The following THSD4 variants were observed in gnomAD, a reference collection of about 807,000 sequenced individuals.
THSD4 encodes the protein thrombospondin type 1 domain containing 4, also known as thrombospondin type-1 domain-containing protein 4.
Under a neutral mutation model 119.0 loss-of-function variants are expected in THSD4, and 69 were observed. The observed-to-expected ratio is 0.58, with a 90% CI of 0.48 to 0.71. The LOEUF (loss-of-function observed/expected upper bound fraction) is 0.71. Among genes scored for constraint, THSD4 ranks in the 30% least tolerant of loss-of-function variants. THSD4 has a pLI of 0.00. For missense variants in THSD4, 1,393 were observed against 1,391.1 expected, an observed-to-expected ratio of 1.00 and a Z score of -0.02; for synonymous variants, 524 against 540.4, an observed-to-expected ratio of 0.97 and a Z score of 0.42.
At chr15:71,622,187 C>T (rs570082858) in intron 7 of THSD4, among the ~76,000 whole-genome samples, 1 of 152,074 alleles carries the variant, frequency 6.6e-6, no homozygotes, top group Non-Finnish European at 1.5e-5. Context: ...ATCACATGTG[C>T]CATGAATTTG....
intron 6 of THSD4, among the ~76,000 whole-genome samples, chr15:71,263,048 G>A (rs1196582356): frequency 1.3e-5 from 2 of 151,856 alleles, no homozygotes; most frequent in African/African-American, 4.8e-5. Flanking sequence ...TTGTTATACA[G>A]ATTATTTCAT....
At chr15:71,370,475 C>T (rs557700097) in intron 6 of THSD4, among the ~76,000 whole-genome samples, 18 of 151,984 alleles carry the variant, frequency 1.2e-4, no homozygotes, top group African/African-American at 2.7e-4. Flanking sequence ...GATTTTGGTA[C>T]GTTGTGTCTT....
chr15:71,329,916 A>C (rs1344310298), intron 6 of THSD4, among the ~76,000 whole-genome samples: 1 of 152,154 alleles, frequency 6.6e-6, no homozygotes, highest in East Asian at 1.9e-4. Flanking sequence ...CTTCATCTGT[A>C]CAAAAAATAA....
At chr15:71,695,331 GTGTA>G (rs2052140401) in intron 8 of THSD4, among the ~76,000 whole-genome samples, 2 of 152,166 alleles carry the variant, frequency 1.3e-5, no homozygotes, top group African/African-American at 2.4e-5. Flanking sequence ...TTTATTGTAT[GTGTA>G]TGTGTGTGTG....
chr15:71,254,789 T>C (rs2044295674), intron 5 of THSD4, among the ~76,000 whole-genome samples: 1 of 152,190 alleles, frequency 6.6e-6, no homozygotes, highest in Non-Finnish European at 1.5e-5. Context: ...GCAGGTTGGC[T>C]TCCAGAGCCC....
At chr15:71,144,647 A>G (rs1431036160) in intron 2 of THSD4, among the ~76,000 whole-genome samples, 1 of 152,222 alleles carries the variant, frequency 6.6e-6, no homozygotes, top group East Asian at 1.9e-4. Flanking sequence ...GCCAAGCCAC[A>G]GAGAAACAGA....
chr15:71,613,074 C>T (rs946113705), intron 7 of THSD4, among the ~76,000 whole-genome samples: 2 of 152,128 alleles, frequency 1.3e-5, no homozygotes, highest in African/African-American at 2.4e-5. Context: ...AAAGCAAATG[C>T]ATTTTCATTT....
chr15:71,547,756 G>A (rs1358312733), intron 7 of THSD4: 15 of 294,302 alleles, frequency 5.1e-5, no homozygotes, highest in Non-Finnish European at 5.0e-5. Flanking sequence ...CCTGTAGCAC[G>A]CACGCTTCTC....
intron 7 of THSD4, among the ~76,000 whole-genome samples, chr15:71,469,779 C>T (rs2047548101): frequency 6.6e-6 from 1 of 152,190 alleles, no homozygotes; most frequent in Non-Finnish European, 1.5e-5. Flanking sequence ...TTAGTGTCTC[C>T]TGTGGCACCT....
At chr15:71,377,914 A>ACCCACCT (rs57687864) in intron 6 of THSD4, among the ~76,000 whole-genome samples, 1 of 146,148 alleles carries the variant, frequency 6.8e-6, no homozygotes, top group South Asian at 2.3e-4. Flanking sequence ...ACACACACAC[A>ACCCACCT]ATTTCCTTCA....
Position 71,311,211 on chromosome 15 carries a change from A to G in THSD4, c.1015+54496A>G, listed in dbSNP as rs1028127917. 3.3e-5 allele frequency among the ~76,000 whole-genome samples: 5 copies of G among 152,312 alleles called. No individual in the cohort carries two copies. In the South Asian group the frequency reaches 8.3e-4, roughly 25 times the overall value. ...GGATAGAGAATAAAAAGGGAGGACA[A>G]TGAGCAAAGGACATAGACCTGCTGT... On this transcript the variant is annotated intron_variant, in intron 6 of 17. Transcript: ENST00000261862.
chr15:71,540,754 T>C, intron 7 of THSD4, among the ~76,000 whole-genome samples: 1 of 123,134 alleles, frequency 8.1e-6, no homozygotes, highest in Admixed American at 9.1e-5. Flanking sequence ...TTTAAACGAG[T>C]CTCTGTCACC....
chr15:71,706,111 GC>G (rs1428454498), intron 8 of THSD4, among the ~76,000 whole-genome samples: 1 of 152,174 alleles, frequency 6.6e-6, no homozygotes, highest in African/African-American at 2.4e-5. Flanking sequence ...TTGAAATGGA[GC>G]TTTTTTCTAT....
chr15:71,760,159 C>T (rs1459081591), intron 15 of THSD4, among the ~76,000 whole-genome samples: 2 of 152,062 alleles, frequency 1.3e-5, no homozygotes, highest in East Asian at 1.9e-4. Context: ...GTGATTAGTC[C>T]AGGAGTAGAC....
intron 7 of THSD4, among the ~76,000 whole-genome samples, chr15:71,427,690 A>C (rs2046891521): frequency 6.6e-6 from 1 of 150,608 alleles, no homozygotes; most frequent in Non-Finnish European, 1.5e-5. Context: ...AATCTGGTCT[A>C]CTTCTGGTGG....
rs1476778998 is a variant in THSD4 at position 71,745,147 on chromosome 15, C to T, written c.1948C>T (p.His650Tyr). Reference protein sequence around the residue: ...PIFRCVHRSTHEEAPESYCDS... With the variant: ...PIFRCVHRSTYEEAPESYCDS... ...TTTCCGCTGTGTGCACAGAAGCACT[C>T]ATGAAGAGGCTCCTGAGAGTTACTG... Residue 650 changes from histidine (H) to tyrosine (Y), a missense_variant, in exon 12 of 18, where the codon CAT becomes TAT. Transcript: ENST00000261862. 2 of 1,612,570 alleles carry T rather than the reference C, an allele frequency of 1.2e-6. No homozygotes were observed. The highest frequency in any genetic ancestry group is 1.7e-6 in the Non-Finnish European group (2 of 1,179,982).
At chr15:71,755,343 G>A (rs959217864) in intron 14 of THSD4, among the ~76,000 whole-genome samples, 1 of 152,196 alleles carries the variant, frequency 6.6e-6, no homozygotes, top group Admixed American at 6.5e-5. Context: ...CTAGATGTCA[G>A]CATACAAAAA....
intron 8 of THSD4, among the ~76,000 whole-genome samples, chr15:71,661,824 G>C (rs1224108400): frequency 6.6e-6 from 1 of 152,040 alleles, no homozygotes; most frequent in Non-Finnish European, 1.5e-5. Flanking sequence ...TATTGAACAG[G>C]AACTTACCTA....
rs553807136 is a variant in THSD4 at position 71,278,977 on chromosome 15, T to C, written c.1015+22262T>C. On this transcript the variant is annotated intron_variant, in intron 6 of 17. Coordinates refer to ENST00000261862, the MANE Select transcript of THSD4 (RefSeq NM_024817.3). ...AGGAAACAGCTTTCATCTAAAGTCATGCTCCAGCAAATTATGCTGATTTTA... is the reference window on the plus strand; with the variant it reads ...AGGAAACAGCTTTCATCTAAAGTCACGCTCCAGCAAATTATGCTGATTTTA... 1.1e-4 allele frequency among the ~76,000 whole-genome samples: 16 copies of C among 152,338 alleles called. 1 individual carries two copies. The South Asian group carries it at 1.7e-3, about 16-fold the overall frequency.
Sources: allele counts gnomAD v4.1 joint callset (sites outside exome capture counted in the v4.1 genomes callset), GRCh38; gene constraint gnomAD v4.1.1; transcripts MANE v1.5; gene names NCBI Gene and HGNC (gene_info 2026-07-23, HGNC 2026-07-21).